Variants in MYO18A observed in about 807,000 individuals in gnomAD.
MYO18A encodes myosin XVIIIA.
In MYO18A, 78 loss-of-function variants were observed where a neutral mutation model predicts 235.8. That is an observed-to-expected ratio of 0.33 (90% CI 0.28 to 0.40). The LOEUF is 0.40. Ranked by LOEUF, MYO18A falls within the 10% of genes least tolerant of loss-of-function variation. The probability of loss-of-function intolerance (pLI) is 1.00; values close to 1 mark genes in which losing one functional copy is unlikely to be tolerated. For missense variants in MYO18A, 2,215 were observed against 2,699.3 expected, an observed-to-expected ratio of 0.82 and a Z score of 3.98; for synonymous variants, 977 against 1,077.8, an observed-to-expected ratio of 0.91 and a Z score of 1.83.
chr17:29,131,973 T>A (rs2067484132), intron 2 of MYO18A, among the ~76,000 whole-genome samples: 1 of 152,022 alleles, frequency 6.6e-6, no homozygotes, highest in Non-Finnish European at 1.5e-5. Context: ...CCTGCACAAC[T>A]CCCCCAGCTC....
chr17:29,163,224 TAGG>T (rs981165340), intron 2 of MYO18A, among the ~76,000 whole-genome samples: 1 of 151,350 alleles, frequency 6.6e-6, no homozygotes, highest in African/African-American at 2.4e-5. Flanking sequence ...AGACAGGGAG[TAGG>T]AGGAGTAAAA....
At chr17:29,093,105 A>G in intron 32 of MYO18A, 104 bp from the exon 33 acceptor site, 1 of 1,442,680 alleles carries the variant, frequency 6.9e-7, no homozygotes, top group Non-Finnish European at 9.3e-7. Context: ...TGTCCCCATA[A>G]GGATGCTGGA....
At chr17:29,090,376 A>G (rs1375597768) in intron 36 of MYO18A, among the ~76,000 whole-genome samples, 156 bp downstream of exon 36, 1 of 152,220 alleles carries the variant, frequency 6.6e-6, no homozygotes, top group African/African-American at 2.4e-5. Flanking sequence ...TGTTATGGTG[A>G]CATGGCTCCA....
In MYO18A at chr17:29,109,376, C is replaced by T. The variant is rs139612879; in HGVS notation, c.3331+482G>A. On this transcript the variant is annotated intron_variant, in intron 19 of 41. Coordinates refer to ENST00000527372, the MANE Select transcript of MYO18A (RefSeq NM_078471.4). This position sits in a 1 kb window ranked among gnomAD's most constrained non-coding sequence, Gnocchi z 4.1. ...AGCTTCTAAGGACTCTAAGTAACCA[C>T]TAATACTATCATCCTGTCTGTCGCC... Among the ~76,000 whole-genome samples the T allele has an allele frequency of 1.3e-5, 2 of 152,296 alleles. No individual in the cohort carries two copies. Among genetic ancestry groups the T allele is most frequent in the East Asian group, 3.9e-4 (2 of 5,190 alleles).
chr17:29,092,825 C>T, intron 33 of MYO18A, 30 bp downstream of exon 33: 1 of 1,611,678 alleles, frequency 6.2e-7, no homozygotes, highest in Non-Finnish European at 8.5e-7. Context: ...TCTGTTGTGC[C>T]TGGATCAGCC....
Position 29,117,936 on chromosome 17 carries a change from T to G in MYO18A, c.2038+109A>C. On this transcript the variant is annotated intron_variant, in intron 10 of 41. Coordinates refer to ENST00000527372, the MANE Select transcript of MYO18A (RefSeq NM_078471.4). The surrounding 1 kb of genome is among the most constrained non-coding windows in gnomAD (Gnocchi z 4.6). ...AAGAGGCACAAGCAAAAGAGGGTTGTCTCAGAACGGCTAAGTCTGTGCTGG... is the reference window on the plus strand; with the variant it reads ...AAGAGGCACAAGCAAAAGAGGGTTGGCTCAGAACGGCTAAGTCTGTGCTGG... The G allele has an allele frequency of 7.7e-7, 1 of 1,301,328 alleles. No individual in the cohort carries two copies. The highest frequency in any genetic ancestry group is 1.0e-6 in the Non-Finnish European group (1 of 955,522). 80.6% of individuals were successfully genotyped at this position (1,301,328 alleles called of 1,614,324 possible). A position where few individuals can be genotyped will look rare whatever the true frequency, so the allele number is the denominator to read the frequency against.
Position 29,103,627 on chromosome 17 carries a change from T to A in MYO18A, c.3479A>T (p.Lys1160Met). 1.9e-6 allele frequency: 3 copies of A among 1,613,896 alleles called. No individual in the cohort carries two copies. Among genetic ancestry groups the A allele is most frequent in the Non-Finnish European group, 2.5e-6 (3 of 1,179,882 alleles). The change falls in exon 21 of 42, where the codon AAG becomes ATG. Residue 1160 changes from lysine (K) to methionine (M), a missense_variant. By Grantham distance (95) the Lys-to-Met change is moderately conservative. Coordinates refer to ENST00000527372, the MANE Select transcript of MYO18A (RefSeq NM_078471.4). ...EELLECLDLE[K>M]SSCCMGLSRV... is the part of the protein sequence containing the mutation. Reference sequence around the variant, plus strand: ...GCTCAGGCCCATGCAGCAGCTGCTCTTCTCCAGATCCAAGCACTCCAGCAG... The same window carrying A: ...GCTCAGGCCCATGCAGCAGCTGCTCATCTCCAGATCCAAGCACTCCAGCAG...
At chr17:29,149,852 C>T (rs2067931782) in intron 2 of MYO18A, among the ~76,000 whole-genome samples, 1 of 152,240 alleles carries the variant, frequency 6.6e-6, no homozygotes, top group Admixed American at 6.5e-5. Context: ...CTCATCAGGA[C>T]TTGGGTCACT....
Position 29,166,494 on chromosome 17 carries a change from G to A in MYO18A, c.447C>T (p.Ser149=), listed in dbSNP as rs114325314. ...CTGAGGGCGTCGAGGTTTCTGAGGC[G>A]CTCTCATCCCGGCTACGCTGGGAGA... ...FSFSQRSRDE[S]ASETSTPSEH... The change falls in exon 2 of 42, where the codon AGC becomes AGT. Residue 149 remains serine, a synonymous_variant. Coordinates refer to ENST00000527372, the MANE Select transcript of MYO18A (RefSeq NM_078471.4). 1.5e-4 allele frequency: 242 copies of A among 1,613,552 alleles called. No individual in the cohort carries two copies. The African/African-American group carries it at 2.8e-3, about 19-fold the overall frequency.
chr17:29,142,603 A>G (rs1454815003), intron 2 of MYO18A, among the ~76,000 whole-genome samples: 1 of 152,198 alleles, frequency 6.6e-6, no homozygotes, highest in African/African-American at 2.4e-5. Context: ...AGAACTCTGG[A>G]TATGGGGTGC....
At chr17:29,144,634 G>A (rs930149896) in intron 2 of MYO18A, among the ~76,000 whole-genome samples, 3 of 152,212 alleles carry the variant, frequency 2.0e-5, no homozygotes, top group African/African-American at 7.2e-5. Context: ...TATAAGAATA[G>A]AAAAGGCAGT....
At chr17:29,081,000 G>A in intron 41 of MYO18A, 1 of 985,494 alleles carries the variant, frequency 1.0e-6, no homozygotes. Context: ...CCTTAGAGAG[G>A]CTGTTGAGGG....
intron 1 of MYO18A, among the ~76,000 whole-genome samples, chr17:29,168,452 T>C (rs539339727): frequency 6.6e-6 from 1 of 150,802 alleles, no homozygotes; most frequent in African/African-American, 2.4e-5. Flanking sequence ...TGCCACCTAA[T>C]TGGAAATTAA....
At position 29,133,235 on chromosome 17, in the gene MYO18A, C is replaced by T. The variant is rs1361562346; in HGVS notation, c.1000-10982G>A. ...AGCTCTGGATTTAGCATCAGGCTGA[C>T]TCACTCCTCCCTCCCCCATCAGAAG... On this transcript the variant is annotated intron_variant, in intron 2 of 41. Coordinates refer to ENST00000527372, the MANE Select transcript of MYO18A (RefSeq NM_078471.4). 2.0e-5 allele frequency among the ~76,000 whole-genome samples: 3 copies of T among 152,234 alleles called. No homozygotes were observed. The East Asian group carries it at 5.8e-4, about 29-fold the overall frequency.
chr17:29,087,648 T>C (rs2066287481), intron 37 of MYO18A, among the ~76,000 whole-genome samples: 1 of 152,150 alleles, frequency 6.6e-6, no homozygotes, highest in South Asian at 2.1e-4. Flanking sequence ...AGTGGGATGC[T>C]GAGCAAAAAA....
chr17:29,100,528 G>A (rs541424723), intron 21 of MYO18A, among the ~76,000 whole-genome samples: 6 of 152,340 alleles, frequency 3.9e-5, no homozygotes, highest in African/African-American at 7.2e-5. Context: ...GTGCCCCCAC[G>A]CCCGGCCTTT....
rs907509371 is a variant in MYO18A at position 29,140,971 on chromosome 17, C to T, written c.1000-18718G>A. The stretch of plus-strand genomic sequence containing the variant: ...CACGGGGCCCACTGCACACTGTGCC[C>T]AAACAGCAGCCGCAAAGCAGTCCTG... On this transcript the variant is annotated intron_variant, in intron 2 of 41. Coordinates refer to ENST00000527372, the MANE Select transcript of MYO18A (RefSeq NM_078471.4). This position sits in a 1 kb window ranked among gnomAD's most constrained non-coding sequence, Gnocchi z 4.2. 2.0e-5 allele frequency among the ~76,000 whole-genome samples: 3 copies of T among 152,346 alleles called. No homozygotes were observed. The highest frequency in any genetic ancestry group is 7.2e-5 in the African/African-American group (3 of 41,584).
At chr17:29,083,087 C>CG (rs1048086004) in intron 40 of MYO18A, among the ~76,000 whole-genome samples, 1 of 105,996 alleles carries the variant, frequency 9.4e-6, no homozygotes, top group African/African-American at 3.9e-5. Flanking sequence ...GGGCGGGGGG[C>CG]GGGGGGCATC....
chr17:29,162,699 C>CTTA (rs747005705), intron 2 of MYO18A, among the ~76,000 whole-genome samples: 1 of 152,192 alleles, frequency 6.6e-6, no homozygotes, highest in Non-Finnish European at 1.5e-5. Context: ...GAGCCCAGGA[C>CTTA]CTAGTATGCA....
Sources: allele counts gnomAD v4.1 joint callset (sites outside exome capture counted in the v4.1 genomes callset), GRCh38; gene constraint gnomAD v4.1.1; non-coding constraint Gnocchi (gnomAD v3.1); transcripts MANE v1.5; gene names NCBI Gene and HGNC (gene_info 2026-07-23, HGNC 2026-07-21).